The following RIMS1 variants were observed in gnomAD, a reference collection of about 807,000 sequenced individuals.
The protein encoded by RIMS1 is regulating synaptic membrane exocytosis 1, also known as regulating synaptic membrane exocytosis protein 1.
A neutral mutation model predicts 214.1 loss-of-function variants in RIMS1; 83 were observed. The ratio of observed to expected loss-of-function variants is 0.39; its 90% CI spans 0.32 to 0.47. The LOEUF is 0.47. Among genes scored for constraint, RIMS1 ranks in the 20% least tolerant of loss-of-function variants. The pLI is 0.99. For synonymous variants in RIMS1, 793 were observed against 786.8 expected (o/e 1.01, Z -0.13); for missense variants, 2,050 against 2,161.8 (o/e 0.95, Z 1.03).
chr6:72,051,384 G>A (rs188514384), intron 2 of RIMS1, among the ~76,000 whole-genome samples: 2 of 152,276 alleles, frequency 1.3e-5, no homozygotes, highest in African/African-American at 4.8e-5. Context: ...TGTGTTTAGA[G>A]GTATTACCTA....
chr6:72,274,001 G>A (rs940959191), intron 22 of RIMS1, among the ~76,000 whole-genome samples: 2 of 152,024 alleles, frequency 1.3e-5, no homozygotes, highest in South Asian at 2.1e-4. Context: ...TCCTAAAGAT[G>A]CATCTTTAAG....
intron 28 of RIMS1, among the ~76,000 whole-genome samples, chr6:72,316,110 G>A (rs1371892331): frequency 2.6e-5 from 4 of 152,028 alleles, no homozygotes; most frequent in Non-Finnish European, 5.9e-5. Context: ...AAAAAACATT[G>A]TAAATTCCTG....
At chr6:72,146,907 T>G (rs1425555617) in intron 4 of RIMS1, among the ~76,000 whole-genome samples, 1 of 152,362 alleles carries the variant, frequency 6.6e-6, no homozygotes, top group African/African-American at 2.4e-5. Context: ...ATTTTAATTA[T>G]GTACTAGGTG....
intron 9 of RIMS1, 21 bp from the exon 10 acceptor site, chr6:72,242,293 A>T (rs1315920615): frequency 8.6e-6 from 13 of 1,520,050 alleles, no homozygotes; most frequent in Non-Finnish European, 1.1e-5. Context: ...GTAAAAAAAT[A>T]CCCTTTTTTT....
intron 2 of RIMS1, among the ~76,000 whole-genome samples, chr6:72,034,732 C>T (rs1317234259): frequency 6.6e-6 from 1 of 152,012 alleles, no homozygotes; most frequent in African/African-American, 2.4e-5. Flanking sequence ...TGAGCCACAG[C>T]TTCTGATGTT....
rs1222564699 is a variant in RIMS1 at position 72,271,286 on chromosome 6, AATATAT to A, written c.3399-3038_3399-3033del. Among the ~76,000 whole-genome samples the A allele has an allele frequency of 5.2e-3, 229 of 44,232 alleles. 5 individuals carry two copies. The highest frequency in any genetic ancestry group is 0.034 in the East Asian group (15 of 436). The allele number at this position is 44,232 out of a possible 152,430, so 29.0% of individuals were successfully genotyped here. ...ATCTCAAGGAAAAAAAAAAAAAAAA[AATATAT>A]ATATATATATATATATATATATATG... is the stretch of plus-strand genomic sequence containing the variant. On this transcript the variant is annotated intron_variant, in intron 22 of 33. Coordinates refer to ENST00000521978, the MANE Select transcript of RIMS1 (RefSeq NM_014989.7).
chr6:71,927,291 A>G (rs1312560533), intron 1 of RIMS1, among the ~76,000 whole-genome samples: 1 of 152,208 alleles, frequency 6.6e-6, no homozygotes, highest in Non-Finnish European at 1.5e-5. Context: ...TCTGAAGGAT[A>G]AAGACATTCG....
intron 28 of RIMS1, among the ~76,000 whole-genome samples, chr6:72,325,066 C>A (rs188741775): frequency 2.0e-5 from 3 of 151,934 alleles, no homozygotes; most frequent in Admixed American, 2.0e-4. Flanking sequence ...CAAGAAATAT[C>A]CTGACCCAGG....
chr6:71,908,511 C>T (rs1407131168), intron 1 of RIMS1, among the ~76,000 whole-genome samples: 4 of 152,162 alleles, frequency 2.6e-5, no homozygotes, highest in Non-Finnish European at 5.9e-5. Context: ...ATGACTGCTC[C>T]TTCTTAGAGA....
chr6:71,930,470 G>A (rs1343226), intron 1 of RIMS1, among the ~76,000 whole-genome samples: 134,755 of 151,988 alleles, frequency 0.89, 60,056 homozygotes, highest in East Asian at 0.99. Context: ...TCAGATTTCT[G>A]TTGCTGATGG....
chr6:72,178,402 C>T (rs2047999186), intron 4 of RIMS1, among the ~76,000 whole-genome samples: 1 of 152,158 alleles, frequency 6.6e-6, no homozygotes, highest in South Asian at 2.1e-4. Context: ...ATTTGACCTA[C>T]TAAACAATGC....
chr6:72,110,874 C>T (rs532458716), intron 4 of RIMS1, among the ~76,000 whole-genome samples: 1 of 152,164 alleles, frequency 6.6e-6, no homozygotes, highest in South Asian at 2.1e-4. Context: ...TGAGATACAT[C>T]CCATCAATAC....
At chr6:72,024,188 TTTTATTTTC>T (rs1815626722) in intron 2 of RIMS1, among the ~76,000 whole-genome samples, 1 of 152,170 alleles carries the variant, frequency 6.6e-6, no homozygotes, top group Non-Finnish European at 1.5e-5. Flanking sequence ...TGGTTTTTTA[TTTTATTTTC>T]TTAGCTCTTT....
Position 72,026,943 on chromosome 6 carries a change from T to C in RIMS1, c.245+57880T>C, listed in dbSNP as rs1263702814. Among the ~76,000 whole-genome samples, 9 of 152,316 alleles carry C rather than the reference T, an allele frequency of 5.9e-5. No homozygotes were observed. In the East Asian group the frequency reaches 1.7e-3, roughly 29 times the overall value. On this transcript the variant is annotated intron_variant, in intron 2 of 33. Transcript: ENST00000521978. Reference sequence around the variant, plus strand: ...TTCATATTAGAAAATTTGGAATGTATAGAAAATCAGATGGGAAAATCATTT... The same window carrying C: ...TTCATATTAGAAAATTTGGAATGTACAGAAAATCAGATGGGAAAATCATTT...
chr6:72,216,212 G>A (rs2055935197), intron 6 of RIMS1, among the ~76,000 whole-genome samples: 1 of 152,116 alleles, frequency 6.6e-6, no homozygotes, highest in Non-Finnish European at 1.5e-5. Context: ...GGTGGATGAA[G>A]TAAAATGTAG....
intron 28 of RIMS1, among the ~76,000 whole-genome samples, chr6:72,326,520 C>A (rs1182117126): frequency 6.6e-6 from 1 of 151,592 alleles, no homozygotes; most frequent in Non-Finnish European, 1.5e-5. Flanking sequence ...AAATTGGTTT[C>A]TTGTTTGTCT....
chr6:72,322,258 C>G (rs2096212866), intron 28 of RIMS1, among the ~76,000 whole-genome samples: 2 of 152,074 alleles, frequency 1.3e-5, no homozygotes, highest in African/African-American at 4.8e-5. Flanking sequence ...CTCATAGTAG[C>G]AGACTACATG....
At chr6:72,032,140 A>G (rs1443913966) in intron 2 of RIMS1, among the ~76,000 whole-genome samples, 1 of 151,682 alleles carries the variant, frequency 6.6e-6, no homozygotes, top group Non-Finnish European at 1.5e-5. Context: ...GTGTGTGTGT[A>G]GGGGTGTGTG....
chr6:72,350,379 G>C (rs1284818393), intron 29 of RIMS1, among the ~76,000 whole-genome samples: 1 of 152,046 alleles, frequency 6.6e-6, no homozygotes, highest in African/African-American at 2.4e-5. Context: ...AAATCAAAGT[G>C]GCTCTGTAAT....
Sources: gnomAD v4.1 joint callset for allele counts (sites outside exome capture counted in the v4.1 genomes callset) on GRCh38, gnomAD v4.1.1 for gene constraint, MANE v1.5 for transcripts, NCBI Gene and HGNC (gene_info 2026-07-23, HGNC 2026-07-21) for gene names.